ZNF519: variants seen among roughly 807,000 people sequenced by gnomAD.
ZNF519 encodes the protein similar to Zinc finger protein 85 (Zinc finger protein HPF4) (HTF1).
A neutral mutation model predicts 7.4 loss-of-function variants in ZNF519; 7 were observed. The ratio of observed to expected loss-of-function variants is 0.94; its 90% CI spans 0.54 to 1.77. The LOEUF is 1.77. Among genes scored for constraint, ZNF519 ranks in the 40% most tolerant of loss-of-function variants. The pLI is 0.00. For missense variants in ZNF519, 586 were observed against 623.1 expected, an observed-to-expected ratio of 0.94 and a Z score of 0.63; for synonymous variants, 179 against 203.3, an observed-to-expected ratio of 0.88 and a Z score of 1.02.
At chr18:14,075,647 G>C (rs767045855), downstream of ZNF519, 1 of 152,156 alleles carries the variant, frequency 6.6e-6, no homozygotes, top group African/African-American at 2.4e-5. Flanking sequence ...GTGAAATAAA[G>C]AGAAATACAA....
At chr18:14,129,575 C>CTTA (rs2046319562) in intron 1 of ZNF519, among the ~76,000 whole-genome samples, 1 of 152,128 alleles carries the variant, frequency 6.6e-6, no homozygotes. Flanking sequence ...CTGGAGTCTC[C>CTTA]TTATAGACCA....
At chr18:14,114,471 C>T (rs942649911) in intron 2 of ZNF519, among the ~76,000 whole-genome samples, 30 of 152,184 alleles carry the variant, frequency 2.0e-4, no homozygotes, top group Non-Finnish European at 3.5e-4. Context: ...TCTCTGCGTT[C>T]TCTCTACTGT....
At chr18:14,130,248 G>C (rs903216845) in intron 1 of ZNF519, among the ~76,000 whole-genome samples, 1 of 149,292 alleles carries the variant, frequency 6.7e-6, no homozygotes, top group Non-Finnish European at 1.5e-5. Flanking sequence ...CCTATTCTCA[G>C]CCTGATTCAA....
At position 14,104,536 on chromosome 18, in the gene ZNF519, GA is replaced by G. The variant is rs1330181492; in HGVS notation, c.*380del. On this transcript the variant is annotated 3_prime_UTR_variant, in exon 3 of 3. Transcript: ENST00000590202. ...GACAGCAATAATCAACCACAGTGGG[GA>G]AAAAAAAGGTTAATTTGAATTTAAT... 12 of 161,000 alleles carry G rather than the reference GA, an allele frequency of 7.5e-5. No homozygotes were observed. The highest frequency in any genetic ancestry group is 3.1e-3 in the Middle Eastern group (1 of 326). The allele number at this position is 161,000 out of a possible 1,614,324, so 10.0% of individuals were successfully genotyped here.
In ZNF519 at chr18:14,087,758, AC is replaced by A. The variant is rs2046097405; in HGVS notation, c.131-2683del. Among the ~76,000 whole-genome samples the A allele has an allele frequency of 3.9e-5, 6 of 152,210 alleles. No individual in the cohort carries two copies. The South Asian group carries it at 1.2e-3, about 31-fold the overall frequency. On this transcript the variant is annotated intron_variant and NMD_transcript_variant, in intron 2 of 4. Coordinates refer to the ZNF519 transcript ENST00000587419. ...CTTACTGATGTGCTTACATTTGAAA[AC>A]ATAAAAAGAGCATAGCTTGGTTTGT... is the stretch of plus-strand genomic sequence containing the variant.
chr18:14,118,207 C>T (rs1317192242), intron 2 of ZNF519, among the ~76,000 whole-genome samples: 1 of 151,892 alleles, frequency 6.6e-6, no homozygotes. Flanking sequence ...TACAGGTGCC[C>T]GCCACCACGC....
intron 1 of ZNF519, among the ~76,000 whole-genome samples, 182 bp from the exon 2 acceptor site, chr18:14,124,658 G>C (rs2143167094): frequency 1.3e-5 from 2 of 152,092 alleles, no homozygotes; most frequent in East Asian, 3.9e-4. Flanking sequence ...AGCAATTTCT[G>C]CTGCTGCAAT....
rs1402966518 is a variant in ZNF519 at position 14,101,665 on chromosome 18, A to G, written c.*3252T>C. ...CCCTGGTTATAGAGACCATCTCTAC[A>G]CCCACACCCCAATCGAGGCAGGAAT... is the stretch of plus-strand genomic sequence containing the variant. On this transcript the variant is annotated 3_prime_UTR_variant, in exon 3 of 3. Coordinates refer to ENST00000590202, the MANE Select transcript of ZNF519 (RefSeq NM_145287.4). 2 of 398,490 alleles carry G rather than the reference A, an allele frequency of 5.0e-6. No homozygotes were observed. The highest frequency in any genetic ancestry group is 2.1e-5 in the African/African-American group (1 of 48,592). The allele number at this position is 398,490 out of a possible 1,614,324, so 24.7% of individuals were successfully genotyped here. A position where few individuals can be genotyped will look rare whatever the true frequency, so the allele number is the denominator to read the frequency against.
In ZNF519 at chr18:14,106,195, C is replaced by T. The variant is rs1338368215; in HGVS notation, c.345G>A (p.Val115=). The T allele has an allele frequency of 1.2e-6, 2 of 1,612,696 alleles. No homozygotes were observed. The highest frequency in any genetic ancestry group is 2.2e-5 in the East Asian group (1 of 44,844). Residue 115 remains valine, a synonymous_variant, in exon 3 of 3, where the codon GTG becomes GTA. Coordinates refer to ENST00000590202, the MANE Select transcript of ZNF519 (RefSeq NM_145287.4). ...ATATTCTATATTCTTTGTCTCCTTT[C>T]ACAGTTAAATGTTTGTTATGACTAG... is the stretch of plus-strand genomic sequence containing the variant. The part of the protein sequence containing the change: ...LTTSHNKHLT[V]KGDKEYRIFQ...
chr18:14,088,688 T>C (rs1318239589), intron 2 of ZNF519, among the ~76,000 whole-genome samples: 5 of 152,208 alleles, frequency 3.3e-5, no homozygotes, highest in African/African-American at 1.2e-4. Flanking sequence ...TTATAACTGC[T>C]TAATTCTGAG....
chr18:14,098,220 G>A (rs200762564), downstream of ZNF519, among the ~76,000 whole-genome samples: 1 of 151,156 alleles, frequency 6.6e-6, no homozygotes. Flanking sequence ...GAGTGCTGTG[G>A]CACAATCTTG....
chr18:14,099,218 CCCT>C (rs2046149607), downstream of ZNF519, among the ~76,000 whole-genome samples: 1 of 152,022 alleles, frequency 6.6e-6, no homozygotes, highest in Non-Finnish European at 1.5e-5. Context: ...GAGTAACAGC[CCCT>C]CCTCAATACT....
intron 2 of ZNF519, among the ~76,000 whole-genome samples, chr18:14,085,986 T>C (rs530875441): frequency 2.0e-5 from 3 of 152,284 alleles, no homozygotes; most frequent in South Asian, 4.1e-4. Flanking sequence ...AGGGTTGTGC[T>C]GGCCCCAGTT....
At chr18:14,131,763 T>A (rs2046331443) in intron 1 of ZNF519, among the ~76,000 whole-genome samples, 1 of 152,004 alleles carries the variant, frequency 6.6e-6, no homozygotes, top group Admixed American at 6.6e-5. Flanking sequence ...TACATAACTG[T>A]ACCCAATTAT....
intron 2 of ZNF519, among the ~76,000 whole-genome samples, chr18:14,120,024 A>C (rs1034802336): frequency 6.6e-6 from 1 of 152,216 alleles, no homozygotes; most frequent in African/African-American, 2.4e-5. Flanking sequence ...GTTTTAGTGG[A>C]ATTTTCAACA....
chr18:14,126,979 T>C (rs1218371674), intron 1 of ZNF519, among the ~76,000 whole-genome samples: 1 of 152,162 alleles, frequency 6.6e-6, no homozygotes, highest in Non-Finnish European at 1.5e-5. Flanking sequence ...GCAAATATTA[T>C]AGAAAATGGT....
At position 14,123,867 on chromosome 18, in the gene ZNF519, AT is replaced by A. The variant is rs543505221; in HGVS notation, c.130+482del. Among the ~76,000 whole-genome samples the A allele has an allele frequency of 2.7e-3, 407 of 152,292 alleles. 2 individuals carry two copies. The highest frequency in any genetic ancestry group is 5.1e-3 in the Non-Finnish European group (350 of 68,022). ...AAAGAGAAGGTTTATGTAAAGATGA[AT>A]CATCATAAAGATTTTCTTTTTGGCT... On this transcript the variant is annotated intron_variant, in intron 2 of 2. Transcript: ENST00000590202.
intron 3 of ZNF519, among the ~76,000 whole-genome samples, chr18:14,080,424 C>G (rs2046066682): frequency 7.1e-6 from 1 of 140,414 alleles, no homozygotes; most frequent in Non-Finnish European, 1.5e-5. Context: ...CGGGTTCAAG[C>G]AATTCTCTTG....
chr18:14,071,329 G>C (rs2046027312), downstream of ZNF519: 1 of 152,088 alleles, frequency 6.6e-6, no homozygotes, highest in African/African-American at 2.4e-5. Flanking sequence ...ATTACAGAGG[G>C]TTGTTCAAAC....
Sources: gnomAD v4.1 joint callset for allele counts (sites outside exome capture counted in the v4.1 genomes callset) on GRCh38, gnomAD v4.1.1 for gene constraint, MANE v1.5 for transcripts, NCBI Gene and HGNC (gene_info 2026-07-23, HGNC 2026-07-21) for gene names.